Variants in ZZEF1 observed in about 807,000 individuals in gnomAD.
ZZEF1 encodes zinc finger ZZ-type and EF-hand domain containing 1, also known as zinc finger ZZ-type and EF-hand domain-containing protein 1.
Under a neutral mutation model 342.8 loss-of-function variants are expected in ZZEF1, and 157 were observed. The observed-to-expected ratio is 0.46, with a 90% CI of 0.40 to 0.52. The LOEUF (loss-of-function observed/expected upper bound fraction) is 0.52, where lower values mean the gene tolerates loss of function less well. Among genes scored for constraint, ZZEF1 ranks in the 20% least tolerant of loss-of-function variants. ZZEF1 has a pLI of 0.00. For missense variants in ZZEF1, 3,480 were observed against 3,725.6 expected (o/e 0.93, Z 1.72); for synonymous variants, 1,505 against 1,429.1 (o/e 1.05, Z -1.20).
At chr17:4,087,345 A>C in intron 14 of ZZEF1, 89 bp downstream of exon 14, 1 of 1,103,282 alleles carries the variant, frequency 9.1e-7, no homozygotes, top group Non-Finnish European at 1.3e-6. Context: ...GGAAGTAAAA[A>C]AAAAATTAGG....
chr17:4,117,582 A>G (rs2058416445), intron 2 of ZZEF1, among the ~76,000 whole-genome samples: 1 of 137,900 alleles, frequency 7.3e-6, no homozygotes, highest in African/African-American at 2.7e-5. Flanking sequence ...CAGGGGGCGG[A>G]GGTTGCAGTG....
At chr17:4,085,948 T>A (rs1567827844) in intron 15 of ZZEF1, 145 bp from the exon 16 acceptor site, 1 of 876,364 alleles carries the variant, frequency 1.1e-6, no homozygotes, top group Non-Finnish European at 1.6e-6. Context: ...CCAGGCAGTA[T>A]AAAAAAATAT....
At chr17:4,141,505 G>A (rs1475284838) in intron 1 of ZZEF1, among the ~76,000 whole-genome samples, 1 of 152,166 alleles carries the variant, frequency 6.6e-6, no homozygotes, top group East Asian at 1.9e-4. Flanking sequence ...AGGATCCCAG[G>A]AAGGAGGTAG....
At chr17:4,070,994 A>C in intron 25 of ZZEF1, 70 bp from the exon 26 acceptor site, 1 of 1,551,860 alleles carries the variant, frequency 6.4e-7, no homozygotes, top group East Asian at 2.3e-5. Flanking sequence ...TGAGCAAACT[A>C]TTAGGCCAAA....
At chr17:4,010,206 A>C (rs872302) in intron 52 of ZZEF1, among the ~76,000 whole-genome samples, 22,594 of 117,924 alleles carry the variant, frequency 0.19, 2,346 homozygotes, top group African/African-American at 0.41. Context: ...AAAAACAAAC[A>C]AAAAAAAAAC....
Position 4,064,586 on chromosome 17 carries a change from G to A in ZZEF1, c.4493C>T (p.Pro1498Leu), listed in dbSNP as rs766699219. Residue 1498 changes from proline (P) to leucine (L), a missense_variant, in exon 29 of 55, where the codon CCA becomes CTA. Transcript: ENST00000381638. ...TGCAGCAGGAAGGCCACTGCTGGAT[G>A]GCAGCTTTGGCTGGGTGCCCAGGCC... Reference protein sequence around the residue: ...SPGLGTQPKLPSSSGLPAADV... With the variant: ...SPGLGTQPKLLSSSGLPAADV... 1 of 1,614,180 alleles carries A rather than the reference G, an allele frequency of 6.2e-7. No homozygotes were observed.
intron 38 of ZZEF1, 142 bp downstream of exon 38, chr17:4,044,082 C>A (rs2145123348): frequency 2.5e-6 from 2 of 811,474 alleles, no homozygotes; most frequent in Non-Finnish European, 2.0e-6. Flanking sequence ...GAGGTGTCAT[C>A]AGCACCATCT....
chr17:4,036,225 A>C (rs1173558529), intron 39 of ZZEF1, among the ~76,000 whole-genome samples: 1 of 152,172 alleles, frequency 6.6e-6, no homozygotes, highest in Non-Finnish European at 1.5e-5. Flanking sequence ...GGATTCTTTA[A>C]ATCAGGGTTT....
intron 2 of ZZEF1, among the ~76,000 whole-genome samples, chr17:4,119,175 T>C (rs1388632863): frequency 6.6e-6 from 1 of 152,224 alleles, no homozygotes; most frequent in African/African-American, 2.4e-5. Context: ...GCTCAAGCAA[T>C]GAAACCACAT....
At chr17:4,092,296 T>TC (rs199610290) in intron 11 of ZZEF1, among the ~76,000 whole-genome samples, 1 of 103,072 alleles carries the variant, frequency 9.7e-6, no homozygotes, top group Admixed American at 1.3e-4. Context: ...AGAAAACATG[T>TC]CCCTTTTTTT....
At chr17:4,112,937 T>C in intron 4 of ZZEF1, 129 bp from the exon 5 acceptor site, 1 of 765,864 alleles carries the variant, frequency 1.3e-6, no homozygotes, top group South Asian at 2.3e-5. Flanking sequence ...AGCAACTAAC[T>C]TGAAATGCTG....
intron 39 of ZZEF1, among the ~76,000 whole-genome samples, chr17:4,041,104 G>T (rs2056792506): frequency 6.6e-6 from 1 of 152,216 alleles, no homozygotes; most frequent in Admixed American, 6.5e-5. Context: ...TGACTGCACT[G>T]TCCAAGCCTG....
intron 3 of ZZEF1, among the ~76,000 whole-genome samples, chr17:4,114,717 T>G (rs2058366954): frequency 1.3e-5 from 2 of 152,214 alleles, no homozygotes; most frequent in South Asian, 4.1e-4. Context: ...GAAGATCATA[T>G]GTCACCTTCC....
chr17:4,022,541 G>T, intron 44 of ZZEF1, 168 bp downstream of exon 44: 1 of 878,432 alleles, frequency 1.1e-6, no homozygotes, highest in Non-Finnish European at 1.7e-6. Flanking sequence ...GTAGACAGGT[G>T]TCATAATCCC....
chr17:4,064,245 C>A, intron 29 of ZZEF1, 116 bp downstream of exon 29: 1 of 844,272 alleles, frequency 1.2e-6, no homozygotes, highest in Non-Finnish European at 1.8e-6. Flanking sequence ...TAAAACAAGT[C>A]TTGATCTATC....
Position 4,081,571 on chromosome 17 carries a change from C to T in ZZEF1, c.2715-81G>A, listed in dbSNP as rs1490756338. On this transcript the variant is annotated intron_variant, in intron 17 of 54. Transcript: ENST00000381638. The stretch of plus-strand genomic sequence containing the variant: ...TATTTTAAAAGATTCCAAAACAGAG[C>T]GCAGAAAGGTTTCAGTGTCATTTCC... The T allele has an allele frequency of 3.9e-5, 48 of 1,216,100 alleles. 1 individual carries two copies. The highest frequency in any genetic ancestry group is 2.4e-4 in the South Asian group (18 of 75,010). 75.3% of individuals were successfully genotyped at this position (1,216,100 alleles called of 1,614,324 possible).
chr17:4,139,825 TC>T (rs1173728649), intron 1 of ZZEF1, among the ~76,000 whole-genome samples: 2 of 152,214 alleles, frequency 1.3e-5, no homozygotes, highest in African/African-American at 4.8e-5. Flanking sequence ...ATGTTTTCTC[TC>T]CCCTTCCTCA....
chr17:4,065,300 G>T (rs945448262), intron 28 of ZZEF1, among the ~76,000 whole-genome samples: 11 of 152,054 alleles, frequency 7.2e-5, no homozygotes, highest in African/African-American at 2.7e-4. Flanking sequence ...GGGAGGCTGA[G>T]GCTGAAGGAT....
intron 9 of ZZEF1, among the ~76,000 whole-genome samples, chr17:4,097,926 CAAAAAA>C (rs541461547): frequency 0.016 from 1,026 of 63,678 alleles, 8 homozygotes; most frequent in Middle Eastern, 0.041. Flanking sequence ...CCATTTCTAC[CAAAAAA>C]AAAAAAAAAA....
Sources: allele counts gnomAD v4.1 joint callset (sites outside exome capture counted in the v4.1 genomes callset), GRCh38; gene constraint gnomAD v4.1.1; transcripts MANE v1.5; gene names NCBI Gene and HGNC (gene_info 2026-07-23, HGNC 2026-07-21).